URB1: variants seen among roughly 807,000 people sequenced by gnomAD.
URB1 encodes nucleolar pre-ribosomal-associated protein 1.
A neutral mutation model predicts 242.3 loss-of-function variants in URB1; 197 were observed. The observed-to-expected ratio is 0.81, with a 90% CI of 0.72 to 0.91. The LOEUF (loss-of-function observed/expected upper bound fraction) is 0.91, where lower values mean the gene tolerates loss of function less well. URB1 is among the 40% of genes least tolerant of loss of function. The pLI is 0.00. For missense variants in URB1, 2,721 were observed against 2,860.5 expected (o/e 0.95, Z 1.11); for synonymous variants, 1,153 against 1,201.8 (o/e 0.96, Z 0.84).
rs1212346621 is a variant in URB1, at chr21:32,341,539, A to C, written c.4258-15T>G. ...TTAAGTGCATGCTATGAATAAAATA[A>C]GTAAGAAAAACACATGAAACATCTC... On this transcript the variant is annotated splice_polypyrimidine_tract_variant and intron_variant, in intron 24 of 38. Transcript: ENST00000382751. The C allele has an allele frequency of 9.0e-6, 14 of 1,550,624 alleles. No individual in the cohort carries two copies. The highest frequency in any genetic ancestry group is 1.1e-5 in the Non-Finnish European group (13 of 1,146,686).
Position 32,363,144 on chromosome 21 carries a change from A to T in URB1, c.1509+12T>A. 6.5e-7 allele frequency: 1 copy of T among 1,549,676 alleles called. No homozygotes were observed. The highest frequency in any genetic ancestry group is 8.7e-7 in the Non-Finnish European group (1 of 1,146,194). Reference sequence around the variant, plus strand: ...GTCTGGAAGGAAAGCCCAAACCCAGATCAGAGCCTACCTTGCTCAGGGCTT... The same window carrying T: ...GTCTGGAAGGAAAGCCCAAACCCAGTTCAGAGCCTACCTTGCTCAGGGCTT... On this transcript the variant is annotated intron_variant, in intron 11 of 38. Coordinates refer to ENST00000382751, the MANE Select transcript of URB1 (RefSeq NM_014825.3).
At chr21:32,361,159 AAAAGAAAGAAAG>A (rs3056303) in intron 12 of URB1, 36 bp from the exon 13 acceptor site, 19 of 270,332 alleles carry the variant, frequency 7.0e-5, no homozygotes, top group African/African-American at 2.6e-4. Flanking sequence ...AAAAAGAGAA[AAAAGAAAGAAAG>A]AAAGAAAGAA....
intron 24 of URB1, among the ~76,000 whole-genome samples, chr21:32,342,117 T>C (rs1325126500): frequency 1.3e-5 from 2 of 152,228 alleles, no homozygotes; most frequent in East Asian, 3.8e-4. Context: ...ATTGTGTTTA[T>C]CAAATAGTCA....
intron 9 of URB1, 137 bp downstream of exon 9, chr21:32,368,254 AGACAGGTTTCGT>A: frequency 1.7e-6 from 1 of 585,596 alleles, no homozygotes; most frequent in African/African-American, 2.1e-5. Context: ...TTTTAGTAAG[AGACAGGTTTCGT>A]CACGTTGGCC....
chr21:32,380,457 C>G (rs73903313), intron 4 of URB1, among the ~76,000 whole-genome samples: 181 of 152,324 alleles, frequency 1.2e-3, no homozygotes, highest in African/African-American at 4.2e-3. Flanking sequence ...ATCCAATGAT[C>G]ACTGGTGCTG....
chr21:32,341,004 TAA>T (rs142680125), intron 25 of URB1, among the ~76,000 whole-genome samples: 2 of 148,128 alleles, frequency 1.4e-5, no homozygotes, highest in African/African-American at 4.9e-5. Flanking sequence ...AATGATACAT[TAA>T]AAAAAAAAGA....
At chr21:32,387,532 G>A (rs560312661) in intron 1 of URB1, among the ~76,000 whole-genome samples, 81 of 147,288 alleles carry the variant, frequency 5.5e-4, no homozygotes, top group Non-Finnish European at 8.0e-4. Context: ...GCATGAGAGC[G>A]TAAGCTAAAG....
intron 1 of URB1, among the ~76,000 whole-genome samples, chr21:32,386,279 G>T (rs967609165): frequency 6.6e-6 from 1 of 152,138 alleles, no homozygotes; most frequent in Non-Finnish European, 1.5e-5. Flanking sequence ...AACAGGACTG[G>T]TGTCCTTAGA....
chr21:32,391,217 T>C (rs946781545), intron 1 of URB1, among the ~76,000 whole-genome samples: 1 of 71,060 alleles, frequency 1.4e-5, no homozygotes, highest in Admixed American at 1.9e-4. Context: ...GGGCCTGTTG[T>C]CGGGTCGGGG....
rs376702944 is a variant in URB1, at chr21:32,337,162, A to G, written c.4622-5T>C. On this transcript the variant is annotated splice_region_variant and splice_polypyrimidine_tract_variant and intron_variant, in intron 27 of 38. Transcript: ENST00000382751. ...GCAGAAGTAAAATCTTCTGATCTACAAGTCAAAGCAGGATCGGTTTAGGAA... is the reference window on the plus strand; with the variant it reads ...GCAGAAGTAAAATCTTCTGATCTACGAGTCAAAGCAGGATCGGTTTAGGAA... 128 of 1,551,724 alleles carry G rather than the reference A, an allele frequency of 8.2e-5. No homozygotes were observed. The African/African-American group carries it at 1.6e-3, about 19-fold the overall frequency.
intron 5 of URB1, chr21:32,377,047 G>C: frequency 5.1e-6 from 2 of 392,976 alleles, no homozygotes; most frequent in Non-Finnish European, 9.8e-6. Flanking sequence ...ATAGTTAGAA[G>C]ACCCATTTCC....
intron 1 of URB1, among the ~76,000 whole-genome samples, chr21:32,390,513 T>C (rs1307693049): frequency 6.6e-6 from 1 of 152,136 alleles, no homozygotes; most frequent in Non-Finnish European, 1.5e-5. Context: ...TTGTAGATTC[T>C]GGATATTAGC....
chr21:32,381,563 T>C (rs2033527571), intron 4 of URB1, among the ~76,000 whole-genome samples: 1 of 151,562 alleles, frequency 6.6e-6, no homozygotes, highest in African/African-American at 2.4e-5. Context: ...ATCAACCAAA[T>C]GCAATGTGGA....
chr21:32,326,548 A>G lies in URB1; in HGVS notation c.4961-1159T>C, dbSNP rs77732041. On this transcript the variant is annotated intron_variant, in intron 30 of 38. Transcript: ENST00000382751. ...GTGGCCCTACCCAAATCTCATGTTG[A>G]ATTACAAACCCCCATGTTGGAGGTG... 8.7e-3 allele frequency among the ~76,000 whole-genome samples: 1,319 copies of G among 152,246 alleles called. 20 individuals carry two copies. The highest frequency in any genetic ancestry group is 0.03 in the African/African-American group (1,226 of 41,528).
At chr21:32,387,563 C>T (rs2033596776) in intron 1 of URB1, among the ~76,000 whole-genome samples, 1 of 139,448 alleles carries the variant, frequency 7.2e-6, no homozygotes, top group South Asian at 2.3e-4. Flanking sequence ...TTACTGAGGC[C>T]TTCATCTCTT....
intron 20 of URB1, 35 bp from the exon 21 acceptor site, chr21:32,349,518 G>A (rs1459810177): frequency 2.0e-6 from 3 of 1,507,816 alleles, no homozygotes; most frequent in African/African-American, 2.8e-5. Context: ...CAGCAGGGAA[G>A]AGACGGGTTC....
chr21:32,348,299 G>T (rs1393059551), intron 21 of URB1, among the ~76,000 whole-genome samples: 1 of 152,146 alleles, frequency 6.6e-6, no homozygotes, highest in Non-Finnish European at 1.5e-5. Context: ...TTACAGCTGG[G>T]GTGATGTCAG....
At chr21:32,377,106 A>C (rs1020429705) in intron 5 of URB1, 1 of 495,968 alleles carries the variant, frequency 2.0e-6, no homozygotes, top group African/African-American at 2.0e-5. Context: ...CACATCTTTA[A>C]TTATTTCACT....
Position 32,316,821 on chromosome 21 carries a change from T to C in URB1, c.6279A>G (p.Val2093=), listed in dbSNP as rs2123538420. The change falls in exon 38 of 39, where the codon GTA becomes GTG. Residue 2093 remains valine, a synonymous_variant. Transcript: ENST00000382751. ...TGACTGCCAGGGAAGCGGCAGCATA[T>C]ACGGGGCCTGGCGCATCGCTCTCGG... is the stretch of plus-strand genomic sequence containing the variant. ...ASPESDAPGP[V]YAAASLAVSW... 2 of 1,547,808 alleles carry C rather than the reference T, an allele frequency of 1.3e-6. No homozygotes were observed. Among genetic ancestry groups the C allele is most frequent in the African/African-American group, 1.4e-5 (1 of 73,088 alleles).
Sources: gnomAD v4.1 joint callset for allele counts (sites outside exome capture counted in the v4.1 genomes callset) on GRCh38, gnomAD v4.1.1 for gene constraint, MANE v1.5 for transcripts, NCBI Gene and HGNC (gene_info 2026-07-23, HGNC 2026-07-21) for gene names.